Variants in RAD51B observed in about 807,000 individuals in gnomAD.
The protein encoded by RAD51B is RAD51 paralog B.
A neutral mutation model predicts 42.2 loss-of-function variants in RAD51B; 38 were observed. The observed-to-expected ratio is 0.90, with a 90% CI of 0.70 to 1.18. The LOEUF (loss-of-function observed/expected upper bound fraction) is 1.18, where lower values mean the gene tolerates loss of function less well. Among genes scored for constraint, RAD51B ranks in the 50% most tolerant of loss-of-function variants. The probability of loss-of-function intolerance (pLI) is 0.00; values close to 1 mark genes in which losing one functional copy is unlikely to be tolerated. For synonymous variants in RAD51B, 154 were observed against 145.2 expected (o/e 1.06, Z -0.43); for missense variants, 373 against 400.7 (o/e 0.93, Z 0.59).
intron 9 of RAD51B, among the ~76,000 whole-genome samples, chr14:68,460,453 C>T (rs1022806691): frequency 1.3e-5 from 2 of 151,986 alleles, no homozygotes; most frequent in African/African-American, 2.4e-5. Context: ...GACTCCATCT[C>T]AAAAAAACAA....
intron 7 of RAD51B, among the ~76,000 whole-genome samples, chr14:68,130,883 G>GTGT (rs1268290184): frequency 1.3e-5 from 2 of 151,376 alleles, no homozygotes; most frequent in Admixed American, 6.6e-5. Flanking sequence ...TGTGTGTGTG[G>GTGT]GTGTGTGTTT....
intron 8 of RAD51B, among the ~76,000 whole-genome samples, chr14:68,336,781 C>T (rs1323384847): frequency 6.6e-6 from 1 of 152,186 alleles, no homozygotes; most frequent in African/African-American, 2.4e-5. Context: ...GGCTTTTAGA[C>T]ACCAACCCAT....
rs115707440 is a variant in RAD51B, at chr14:68,679,888, G to A, written c.*11+29032G>A. 2.2e-3 allele frequency among the ~76,000 whole-genome samples: 336 copies of A among 152,308 alleles called. 2 individuals carry two copies. The highest frequency in any genetic ancestry group is 7.7e-3 in the African/African-American group (318 of 41,568). On this transcript the variant is annotated intron_variant, in intron 11 of 11. Coordinates refer to the RAD51B transcript ENST00000488612. The stretch of plus-strand genomic sequence containing the variant: ...AGTAGTCCATATGCACTTCTTTCCA[G>A]TAGTGTGCTGGTAAATGTTTAACAG...
chr14:68,147,533 C>G (rs927316849), intron 7 of RAD51B, among the ~76,000 whole-genome samples: 18 of 152,250 alleles, frequency 1.2e-4, no homozygotes, highest in African/African-American at 4.3e-4. Flanking sequence ...CTCTAGTAAA[C>G]TGCATCTGTC....
At chr14:68,249,074 T>C (rs920556606) in intron 7 of RAD51B, among the ~76,000 whole-genome samples, 1 of 152,198 alleles carries the variant, frequency 6.6e-6, no homozygotes, top group African/African-American at 2.4e-5. Flanking sequence ...ACAGAACAGG[T>C]GTTTTTAAAG....
At chr14:67,925,026 C>T (rs1053188707) in intron 7 of RAD51B, among the ~76,000 whole-genome samples, 1 of 152,220 alleles carries the variant, frequency 6.6e-6, no homozygotes, top group African/African-American at 2.4e-5. Context: ...AACAAAGGGG[C>T]TCCAGGCCCC....
intron 8 of RAD51B, among the ~76,000 whole-genome samples, chr14:68,403,344 C>A (rs1313410262): frequency 2.7e-5 from 4 of 150,548 alleles, no homozygotes; most frequent in African/African-American, 9.8e-5. Flanking sequence ...GAAAAGCATT[C>A]TTTTAAAGTT....
intron 10 of RAD51B, among the ~76,000 whole-genome samples, chr14:68,493,423 A>C (rs958238306): frequency 6.6e-6 from 1 of 152,048 alleles, no homozygotes; most frequent in South Asian, 2.1e-4. Context: ...AATTTCATGT[A>C]GTTAGAATTC....
intron 10 of RAD51B, among the ~76,000 whole-genome samples, chr14:68,601,118 C>T (rs1196698197): frequency 1.3e-5 from 2 of 152,114 alleles, no homozygotes; most frequent in Non-Finnish European, 2.9e-5. Context: ...GACAAAAGAC[C>T]TGATCCCCAA....
chr14:68,638,758 C>T lies in RAD51B; in HGVS notation c.1037-12023C>T, dbSNP rs370060826. 1.9e-4 allele frequency among the ~76,000 whole-genome samples: 29 copies of T among 152,256 alleles called. 1 individual carries two copies. The highest frequency in any genetic ancestry group is 8.3e-4 in the South Asian group (4 of 4,830). ...AGCGCAACTGATCAGTCCCACGTGA[C>T]GCACAAGCAGAGGGCTGTGAGCTTT... On this transcript the variant is annotated intron_variant, in intron 10 of 11. Transcript: ENST00000488612.
intron 10 of RAD51B, among the ~76,000 whole-genome samples, chr14:68,517,648 G>T (rs78380365): frequency 0.05 from 7,661 of 152,262 alleles, 219 homozygotes; most frequent in Non-Finnish European, 0.063. Flanking sequence ...ACAGGTAAAT[G>T]TGCTACATGC....
At chr14:68,643,786 A>G (rs1164360035) in intron 10 of RAD51B, among the ~76,000 whole-genome samples, 1 of 152,134 alleles carries the variant, frequency 6.6e-6, no homozygotes, top group Non-Finnish European at 1.5e-5. Flanking sequence ...CCCCTCCTGG[A>G]AGGCCCTGAC....
intron 7 of RAD51B, among the ~76,000 whole-genome samples, chr14:68,276,362 T>C (rs2139606100): frequency 6.6e-6 from 1 of 152,336 alleles, no homozygotes; most frequent in East Asian, 1.9e-4. Context: ...CCATCCTCTT[T>C]TCATGGATTA....
intron 4 of RAD51B, among the ~76,000 whole-genome samples, chr14:67,853,573 G>A (rs2139951917): frequency 6.6e-6 from 1 of 152,332 alleles, no homozygotes; most frequent in South Asian, 2.1e-4. Flanking sequence ...CAGTGAAGGT[G>A]CCTAATTAAC....
At chr14:68,118,519 C>T (rs898451980) in intron 7 of RAD51B, among the ~76,000 whole-genome samples, 1 of 152,158 alleles carries the variant, frequency 6.6e-6, no homozygotes, top group Non-Finnish European at 1.5e-5. Flanking sequence ...GCTGTCTTGT[C>T]AACTATGTCT....
At chr14:68,498,672 G>A (rs559051226) in intron 10 of RAD51B, among the ~76,000 whole-genome samples, 2 of 152,288 alleles carry the variant, frequency 1.3e-5, no homozygotes, top group South Asian at 4.1e-4. Flanking sequence ...GGGCAAAGCA[G>A]GGCCACCACC....
chr14:67,837,753 G>A (rs1021139387), intron 4 of RAD51B, among the ~76,000 whole-genome samples: 1 of 152,032 alleles, frequency 6.6e-6, no homozygotes, highest in African/African-American at 2.4e-5. Flanking sequence ...TCAGGTAATT[G>A]GCATATCCAT....
chr14:68,171,807 A>G (rs962887449), intron 7 of RAD51B, among the ~76,000 whole-genome samples: 1 of 151,872 alleles, frequency 6.6e-6, no homozygotes, highest in African/African-American at 2.4e-5. Context: ...CCGGGGTTCA[A>G]GAGATTCTCC....
chr14:68,616,429 T>C (rs905237586), downstream of RAD51B, among the ~76,000 whole-genome samples: 2 of 152,224 alleles, frequency 1.3e-5, no homozygotes, highest in African/African-American at 4.8e-5. Flanking sequence ...TGGCTTGCAT[T>C]GTTTTGATCA....
Sources: gnomAD v4.1 joint callset for allele counts (sites outside exome capture counted in the v4.1 genomes callset) on GRCh38, gnomAD v4.1.1 for gene constraint, MANE v1.5 for transcripts, NCBI Gene and HGNC (gene_info 2026-07-23, HGNC 2026-07-21) for gene names.